Variants in THOC2 observed in about 807,000 individuals in gnomAD.
THOC2 encodes the protein THO complex subunit 2.
Under a neutral mutation model 128.4 loss-of-function variants are expected in THOC2, and 10 were observed. The observed-to-expected ratio is 0.08, with a 90% CI of 0.05 to 0.13. THOC2 has a LOEUF of 0.13. Among genes scored for constraint, THOC2 ranks in the 10% least tolerant of loss-of-function variants. The probability of loss-of-function intolerance (pLI) is 1.00; values close to 1 mark genes in which losing one functional copy is unlikely to be tolerated. For synonymous variants in THOC2, 393 were observed against 396.9 expected, an observed-to-expected ratio of 0.99 and a Z score of 0.12; for missense variants, 535 against 1,155.7, an observed-to-expected ratio of 0.46 and a Z score of 7.79.
intron 19 of THOC2, among the ~76,000 whole-genome samples, chrX:123,635,848 T>C (rs1385018462): frequency 8.9e-6 from 1 of 112,045 alleles, no homozygotes; most frequent in Non-Finnish European, 1.9e-5. Flanking sequence ...AGTATCTTTT[T>C]AGTGCATTAA....
intron 12 of THOC2, among the ~76,000 whole-genome samples, chrX:123,662,409 A>G (rs1366844900): frequency 1.8e-5 from 2 of 109,045 alleles, no homozygotes; most frequent in Non-Finnish European, 3.8e-5. Flanking sequence ...ACACGGTGAA[A>G]CCCCATCTCT....
At chrX:123,725,560 G>A (rs1303154705) in intron 1 of THOC2, among the ~76,000 whole-genome samples, 4 of 94,433 alleles carry the variant, frequency 4.2e-5, no homozygotes, top group East Asian at 7.6e-4. Flanking sequence ...AGTGGTGATC[G>A]TAGTACCACT....
chrX:123,603,465 A>C lies in THOC2; in HGVS notation c.*19-2127T>G. 3 of 456,807 alleles carry C rather than the reference A, an allele frequency of 6.6e-6. No individual in the cohort carries two copies. In the Middle Eastern group the frequency reaches 1.3e-3, roughly 195 times the overall value. 37.6% of individuals were successfully genotyped at this position (456,807 alleles called of 1,213,427 possible). On this transcript the variant is annotated intron_variant, in intron 38 of 38. Transcript: ENST00000245838. ...ACTAAAACTCAGTGAAATTTTCATT[A>C]GATGCTGATTCTGGATGGTGTATCT... is the stretch of plus-strand genomic sequence containing the variant.
intron 38 of THOC2, chrX:123,603,240 G>A (rs2046350344): frequency 7.1e-6 from 1 of 140,359 alleles, no homozygotes; most frequent in Admixed American, 9.0e-5. Context: ...TAAAATTGCT[G>A]TTGCTGTTAA....
At chrX:123,632,004 A>T (rs1204491989) in intron 21 of THOC2, 152 bp from the exon 22 acceptor site, 2 of 499,172 alleles carry the variant, frequency 4.0e-6, no homozygotes, top group Non-Finnish European at 6.1e-6. Context: ...CATATTACAA[A>T]AAAAGATGCC....
intron 1 of THOC2, among the ~76,000 whole-genome samples, chrX:123,716,065 A>G (rs2051403036): frequency 9.0e-6 from 1 of 111,553 alleles, no homozygotes; most frequent in African/African-American, 3.3e-5. Flanking sequence ...AGATGAAAAA[A>G]TCCTCAACAA....
At chrX:123,696,269 ATAG>A in intron 6 of THOC2, 115 bp from the exon 7 acceptor site, 1 of 488,622 alleles carries the variant, frequency 2.0e-6, no homozygotes. Flanking sequence ...AATCCTAAGA[ATAG>A]TTGTTGAAAG....
chrX:123,633,863 T>C, intron 20 of THOC2, 90 bp downstream of exon 20: 1 of 572,521 alleles, frequency 1.7e-6, no homozygotes, highest in Admixed American at 3.2e-5. Context: ...CATTTGGTTT[T>C]ATAAACTTAC....
chrX:123,636,280 C>T, intron 18 of THOC2, 105 bp from the exon 19 acceptor site: 1 of 561,244 alleles, frequency 1.8e-6, no homozygotes, highest in South Asian at 3.2e-5. Flanking sequence ...AATTGTATTG[C>T]TGATGCTGTT....
chrX:123,725,016 T>G (rs1419765405), intron 1 of THOC2, among the ~76,000 whole-genome samples: 1 of 111,482 alleles, frequency 9.0e-6, no homozygotes, highest in African/African-American at 3.3e-5. Context: ...AAGTTGAGAC[T>G]GCAGTGAGCC....
intron 37 of THOC2, 81 bp downstream of exon 37, chrX:123,611,359 C>G: frequency 1.3e-6 from 1 of 759,487 alleles, no homozygotes; most frequent in Non-Finnish European, 1.9e-6. Flanking sequence ...AAACCACATA[C>G]TAAAAGAGTA....
intron 36 of THOC2, 79 bp from the exon 37 acceptor site, chrX:123,611,595 C>T (rs909699146): frequency 4.2e-5 from 26 of 620,260 alleles, no homozygotes; most frequent in Non-Finnish European, 6.1e-5. Context: ...TCATCACCCG[C>T]GAGCTATATT....
At chrX:123,698,365 G>A (rs1175639051) in intron 4 of THOC2, among the ~76,000 whole-genome samples, 1 of 109,175 alleles carries the variant, frequency 9.2e-6, no homozygotes, top group Non-Finnish European at 1.9e-5. Context: ...GACTGAGGCA[G>A]GAGAATCGCT....
chrX:123,627,622 C>T, intron 23 of THOC2, 71 bp downstream of exon 23: 2 of 1,061,987 alleles, frequency 1.9e-6, no homozygotes, highest in South Asian at 2.2e-5. Context: ...AGAGCTAAAA[C>T]AATTTCAAAA....
intron 38 of THOC2, among the ~76,000 whole-genome samples, chrX:123,607,219 G>A (rs759741113): frequency 3.1e-4 from 34 of 110,894 alleles, no homozygotes; most frequent in Admixed American, 1.1e-3. Flanking sequence ...AACAGAAGAC[G>A]AGAAAAGATG....
intron 33 of THOC2, among the ~76,000 whole-genome samples, chrX:123,616,273 A>C (rs1053132558): frequency 4.5e-5 from 5 of 110,948 alleles, no homozygotes; most frequent in African/African-American, 1.3e-4. Context: ...ATGGTAGAAG[A>C]GCTAAGGTGC....
chrX:123,609,823 G>A (rs1239532929), intron 38 of THOC2, among the ~76,000 whole-genome samples: 1 of 110,604 alleles, frequency 9.0e-6, no homozygotes, highest in Non-Finnish European at 1.9e-5. Context: ...GAGGTCAAGA[G>A]TTCAAGACCA....
In THOC2 at chrX:123,687,997, A is replaced by G. The variant is rs187067518; in HGVS notation, c.602-1283T>C. 1.6e-4 allele frequency among the ~76,000 whole-genome samples: 18 copies of G among 112,535 alleles called. No homozygotes were observed. The Admixed American group carries it at 1.7e-3, about 11-fold the overall frequency. ...ATATAAAAGTGATTCGAAAATAGCA[A>G]TTAAGATCCTTAAATGCTGCTGATG... On this transcript the variant is annotated intron_variant, in intron 7 of 38. Transcript: ENST00000245838.
intron 8 of THOC2, among the ~76,000 whole-genome samples, chrX:123,672,731 T>C (rs1392868555): frequency 8.9e-6 from 1 of 112,042 alleles, no homozygotes; most frequent in African/African-American, 3.2e-5. Flanking sequence ...AATCTTTGAA[T>C]GCTATCAATT....
Sources: allele counts gnomAD v4.1 joint callset (sites outside exome capture counted in the v4.1 genomes callset), GRCh38; gene constraint gnomAD v4.1.1; transcripts MANE v1.5; gene names NCBI Gene and HGNC (gene_info 2026-07-23, HGNC 2026-07-21).